Variants in ARPIN observed in about 807,000 individuals in gnomAD.
ARPIN encodes actin related protein 2/3 complex inhibitor.
Under a neutral mutation model 25.9 loss-of-function variants are expected in ARPIN, and 23 were observed. The ratio of observed to expected loss-of-function variants is 0.89; its 90% confidence interval spans 0.64 to 1.26. The LOEUF (loss-of-function observed/expected upper bound fraction) is 1.26, where lower values mean the gene tolerates loss of function less well. Among genes scored for constraint, ARPIN ranks in the 50% most tolerant of loss-of-function variants. ARPIN has a pLI of 0.00. For synonymous variants in ARPIN, 126 were observed against 131.4 expected (o/e 0.96, Z 0.28); for missense variants, 333 against 312.2 (o/e 1.07, Z -0.50).
chr15:89,906,563 A>C (rs1488064957), intron 3 of ARPIN, among the ~76,000 whole-genome samples: 1 of 152,106 alleles, frequency 6.6e-6, no homozygotes, highest in East Asian at 1.9e-4. Flanking sequence ...CCTCTACTGG[A>C]CTAAGAACAT....
Position 89,912,863 on chromosome 15 carries a change from C to G in ARPIN, c.-28G>C. ...TCCCGACCGCCCGGGCACCCCGGCA[C>G]AGAGCCGGCGCACTGGGCTGGGGGC... is the stretch of plus-strand genomic sequence containing the variant. On this transcript the variant is annotated 5_prime_UTR_variant, in exon 1 of 6. Coordinates refer to ENST00000357484, the MANE Select transcript of ARPIN (RefSeq NM_182616.4). 6.6e-7 allele frequency: 1 copy of G among 1,511,824 alleles called. No individual in the cohort carries two copies. The highest frequency in any genetic ancestry group is 1.2e-5 in the South Asian group (1 of 81,296). 93.7% of individuals were successfully genotyped at this position (1,511,824 alleles called of 1,614,324 possible).
At chr15:89,911,139 A>T (rs758510739) in intron 1 of ARPIN, among the ~76,000 whole-genome samples, 1 of 152,226 alleles carries the variant, frequency 6.6e-6, no homozygotes, top group Non-Finnish European at 1.5e-5. Flanking sequence ...TGATGTTGAC[A>T]CAAGATCATG....
intron 2 of ARPIN, 138 bp from the exon 3 acceptor site, chr15:89,908,550 G>A (rs1378747884): frequency 1.4e-6 from 2 of 1,434,466 alleles, no homozygotes; most frequent in Non-Finnish European, 9.3e-7. Flanking sequence ...AAGCTAGGCA[G>A]ATGCTCCCTC....
In ARPIN at chr15:89,900,341, T is replaced by G. The variant is rs905194989; in HGVS notation, c.*1454A>C. 11 of 152,276 alleles carry G rather than the reference T, an allele frequency of 7.2e-5. No homozygotes were observed. The highest frequency in any genetic ancestry group is 2.7e-4 in the African/African-American group (11 of 41,466). 9.4% of individuals were successfully genotyped at this position (152,276 alleles called of 1,614,324 possible). ...AATCCTGATTCTGCTACTCATTAGC[T>G]GTGTGACTCTGGGCAGGTTGCTTAA... On this transcript the variant is annotated 3_prime_UTR_variant, in exon 6 of 6. Coordinates refer to ENST00000357484, the MANE Select transcript of ARPIN (RefSeq NM_182616.4).
chr15:89,905,207 A>G (rs11858333), intron 3 of ARPIN, among the ~76,000 whole-genome samples: 3,803 of 152,032 alleles, frequency 0.025, 149 homozygotes, highest in African/African-American at 0.086. Context: ...TTTTTGTTAG[A>G]AACGGGGTTT....
chr15:89,905,455 T>C (rs1225118227), intron 3 of ARPIN, among the ~76,000 whole-genome samples: 1 of 152,070 alleles, frequency 6.6e-6, no homozygotes, highest in East Asian at 1.9e-4. Flanking sequence ...CCTGAGGACC[T>C]GTCTCTCTCT....
chr15:89,895,262 A>C lies in ARPIN; in HGVS notation c.*6533T>G, dbSNP rs1896911964. ...AAAATCATGCTGGGAAAGATTTATGATACGGAAGTGTTCATGACACCTGTT... is the reference window on the plus strand; with the variant it reads ...AAAATCATGCTGGGAAAGATTTATGCTACGGAAGTGTTCATGACACCTGTT... On this transcript the variant is annotated 3_prime_UTR_variant, in exon 6 of 6. Transcript: ENST00000357484. The C allele has an allele frequency of 6.6e-6, 1 of 152,232 alleles. No individual in the cohort carries two copies. The highest frequency in any genetic ancestry group is 1.5e-5 in the Non-Finnish European group (1 of 68,036). 9.4% of individuals were successfully genotyped at this position (152,232 alleles called of 1,614,324 possible). A position where few individuals can be genotyped will look rare whatever the true frequency, so the allele number is the denominator to read the frequency against.
intron 5 of ARPIN, 118 bp downstream of exon 5, chr15:89,903,098 T>A: frequency 6.3e-7 from 1 of 1,598,486 alleles, no homozygotes; most frequent in East Asian, 2.2e-5. Flanking sequence ...TTCACAGAAT[T>A]CCACTAAAGC....
At chr15:89,903,733 G>A in intron 4 of ARPIN, 44 bp downstream of exon 4, 1 of 1,606,808 alleles carries the variant, frequency 6.2e-7, no homozygotes, top group South Asian at 1.1e-5. Context: ...GCCCCCATGG[G>A]CCACACAGGA....
chr15:89,912,663 T>TGGCCCC, intron 1 of ARPIN, 81 bp downstream of exon 1: 5 of 871,102 alleles, frequency 5.7e-6, no homozygotes, highest in Non-Finnish European at 7.0e-6. Context: ...CCCACCCGCA[T>TGGCCCC]CCCACCCCCC....
At chr15:89,904,767 G>A (rs1254799527) in intron 3 of ARPIN, among the ~76,000 whole-genome samples, 1 of 152,170 alleles carries the variant, frequency 6.6e-6, no homozygotes, top group South Asian at 2.1e-4. Context: ...CCAGGTGGCC[G>A]CACTTCACTG....
chr15:89,903,137 C>T (rs555045196), intron 5 of ARPIN, 79 bp downstream of exon 5: 179 of 1,613,708 alleles, frequency 1.1e-4, no homozygotes, highest in Middle Eastern at 1.7e-4. Flanking sequence ...CTGTCGTCTT[C>T]TCATCCTACC....
chr15:89,912,566 G>C, intron 1 of ARPIN, 178 bp downstream of exon 1: 2 of 1,349,060 alleles, frequency 1.5e-6, no homozygotes, highest in African/African-American at 3.1e-5. Context: ...GGGTCGCTGG[G>C]CGGGCGCGGC....
chr15:89,912,207 C>G, intron 1 of ARPIN: 1 of 986,362 alleles, frequency 1.0e-6, no homozygotes, highest in Non-Finnish European at 1.2e-6. Context: ...TGGCTTATTT[C>G]ACTTAGCACA....
At chr15:89,910,918 T>A in intron 1 of ARPIN, 99 bp from the exon 2 acceptor site, 1 of 1,373,922 alleles carries the variant, frequency 7.3e-7, no homozygotes, top group East Asian at 2.4e-5. Flanking sequence ...GGCTGGGTAC[T>A]GAGCAGCTCC....
At chr15:89,906,318 G>A (rs755532826) in intron 3 of ARPIN, among the ~76,000 whole-genome samples, 7 of 152,174 alleles carry the variant, frequency 4.6e-5, no homozygotes, top group Non-Finnish European at 8.8e-5. Context: ...CTCAGTGCCC[G>A]CCCCTCCTGC....
chr15:89,904,468 T>A (rs1195697787), intron 3 of ARPIN, among the ~76,000 whole-genome samples: 1 of 152,112 alleles, frequency 6.6e-6, no homozygotes, highest in African/African-American at 2.4e-5. Flanking sequence ...CATTCCATCT[T>A]GAGACCCCGG....
chr15:89,906,974 A>G (rs1448472022), intron 3 of ARPIN, among the ~76,000 whole-genome samples: 2 of 150,220 alleles, frequency 1.3e-5, no homozygotes, highest in African/African-American at 4.9e-5. Flanking sequence ...AAGAAAAGGA[A>G]AAAAAAAAAG....
intron 1 of ARPIN, 61 bp from the exon 2 acceptor site, chr15:89,910,880 G>C: frequency 6.3e-7 from 1 of 1,586,780 alleles, no homozygotes; most frequent in South Asian, 1.1e-5. Flanking sequence ...AATCTCACCC[G>C]TGTCTCCTAT....
Sources: gnomAD v4.1 joint callset for allele counts (sites outside exome capture counted in the v4.1 genomes callset) on GRCh38, gnomAD v4.1.1 for gene constraint, MANE v1.5 for transcripts, NCBI Gene and HGNC (gene_info 2026-07-23, HGNC 2026-07-21) for gene names.